Variants in TAFA1 observed in about 807,000 individuals in gnomAD.
TAFA1 encodes the protein TAFA chemokine like family member 1, also known as chemokine-like protein TAFA-1.
In TAFA1, 4 loss-of-function variants were observed where a neutral mutation model predicts 18.5. The ratio of observed to expected loss-of-function variants is 0.22; its 90% CI spans 0.11 to 0.49. The LOEUF is 0.49. Ranked by LOEUF, TAFA1 falls within the 20% of genes least tolerant of loss-of-function variation. TAFA1 has a pLI of 0.98. For missense variants in TAFA1, 147 were observed against 169.0 expected (o/e 0.87, Z 0.72); for synonymous variants, 56 against 55.2 (o/e 1.01, Z -0.06).
At chr3:68,088,817 TG>T (rs962882015) in intron 2 of TAFA1, among the ~76,000 whole-genome samples, 1 of 152,162 alleles carries the variant, frequency 6.6e-6, no homozygotes. Flanking sequence ...AAAGACCAGC[TG>T]GAAGGCTATT....
intron 2 of TAFA1, among the ~76,000 whole-genome samples, chr3:68,413,747 G>A (rs1449211747): frequency 6.6e-6 from 1 of 152,074 alleles, no homozygotes; most frequent in African/African-American, 2.4e-5. Context: ...GGTGTTGGGG[G>A]CAGGGGGGTG....
chr3:68,095,346 T>C (rs1391349788), intron 2 of TAFA1, among the ~76,000 whole-genome samples: 1 of 152,188 alleles, frequency 6.6e-6, no homozygotes, highest in Non-Finnish European at 1.5e-5. Context: ...AAGAATGCTA[T>C]TTGGAAATAT....
chr3:68,002,632 A>G (rs1704296072), upstream of TAFA1, among the ~76,000 whole-genome samples: 1 of 152,224 alleles, frequency 6.6e-6, no homozygotes, highest in East Asian at 1.9e-4. Context: ...TTTTGAGACT[A>G]TCTTAATGTT....
intron 2 of TAFA1, among the ~76,000 whole-genome samples, chr3:68,183,684 A>G (rs955175577): frequency 6.6e-6 from 1 of 152,276 alleles, no homozygotes; most frequent in African/African-American, 2.4e-5. Context: ...GGGACTGTTC[A>G]TTCTTTCATT....
At chr3:68,372,710 A>G (rs1326614124) in intron 2 of TAFA1, among the ~76,000 whole-genome samples, 4 of 152,162 alleles carry the variant, frequency 2.6e-5, no homozygotes, top group Admixed American at 2.0e-4. Context: ...AACTGCAAAA[A>G]CCCACATGCA....
At chr3:68,228,452 A>T (rs899262172) in intron 2 of TAFA1, among the ~76,000 whole-genome samples, 31 of 152,158 alleles carry the variant, frequency 2.0e-4, no homozygotes, top group African/African-American at 7.2e-4. Context: ...GTCAGGCATG[A>T]TAATCAGGCT....
chr3:68,145,607 G>T, intron 2 of TAFA1: 1 of 1,480,816 alleles, frequency 6.8e-7, no homozygotes, highest in African/African-American at 1.4e-5. Flanking sequence ...CAGACTGACG[G>T]ATTATGTGGC....
intron 2 of TAFA1, among the ~76,000 whole-genome samples, chr3:68,312,995 A>G (rs72626959): frequency 0.026 from 3,933 of 152,246 alleles, 90 homozygotes; most frequent in East Asian, 0.098. Context: ...GCAGGCAAAA[A>G]AGAGAGCTTG....
intron 3 of TAFA1, among the ~76,000 whole-genome samples, chr3:68,460,340 G>C (rs1029365439): frequency 2.0e-5 from 3 of 152,060 alleles, no homozygotes; most frequent in African/African-American, 7.2e-5. Context: ...TCAATACAAG[G>C]ATGGCAGGAG....
chr3:68,002,755 CTCTG>C (rs753008176), upstream of TAFA1, among the ~76,000 whole-genome samples: 3 of 152,110 alleles, frequency 2.0e-5, no homozygotes, highest in Non-Finnish European at 4.4e-5. Flanking sequence ...TTGAAATCTG[CTCTG>C]TCTTTTACTA....
At chr3:68,375,401 C>T (rs893756263) in intron 2 of TAFA1, among the ~76,000 whole-genome samples, 4 of 152,118 alleles carry the variant, frequency 2.6e-5, no homozygotes, top group Non-Finnish European at 5.9e-5. Flanking sequence ...AAAGCATATT[C>T]GGAGTCATTC....
chr3:68,384,068 C>G (rs11927978), intron 2 of TAFA1, among the ~76,000 whole-genome samples: 5,954 of 151,848 alleles, frequency 0.039, 382 homozygotes, highest in African/African-American at 0.13. Context: ...GATCCTCTCT[C>G]TTTTCTTCTT....
Position 68,402,340 on chromosome 3 carries a change from G to A in TAFA1, c.119-14940G>A, listed in dbSNP as rs556288625. Reference sequence around the variant, plus strand: ...CAGGTAGCTTAGCCTCTGCCTGGTGGCCAGACTAAGTTAATTCGGACGGCC... The same window carrying A: ...CAGGTAGCTTAGCCTCTGCCTGGTGACCAGACTAAGTTAATTCGGACGGCC... On this transcript the variant is annotated intron_variant, in intron 2 of 4. Transcript: ENST00000478136. Among the ~76,000 whole-genome samples, 4 of 152,300 alleles carry A rather than the reference G, an allele frequency of 2.6e-5. No individual in the cohort carries two copies. The East Asian group carries it at 7.7e-4, about 29-fold the overall frequency.
intron 2 of TAFA1, among the ~76,000 whole-genome samples, chr3:68,220,758 A>G (rs956746996): frequency 3.9e-5 from 6 of 152,088 alleles, no homozygotes; most frequent in African/African-American, 1.4e-4. Context: ...TCTTTGGCTC[A>G]TGTTCACTGA....
At chr3:68,489,724 A>T (rs2072415526) in intron 3 of TAFA1, among the ~76,000 whole-genome samples, 1 of 152,238 alleles carries the variant, frequency 6.6e-6, no homozygotes, top group Non-Finnish European at 1.5e-5. Flanking sequence ...ATATACTAGT[A>T]GCCATTGTTT....
chr3:68,509,733 T>C (rs75540473), intron 3 of TAFA1, among the ~76,000 whole-genome samples: 32 of 152,210 alleles, frequency 2.1e-4, no homozygotes, highest in African/African-American at 7.5e-4. Flanking sequence ...CCTTTTCAGA[T>C]ACCAGAACTC....
At chr3:68,415,068 C>G (rs2070783557) in intron 2 of TAFA1, among the ~76,000 whole-genome samples, 1 of 152,192 alleles carries the variant, frequency 6.6e-6, no homozygotes, top group Non-Finnish European at 1.5e-5. Flanking sequence ...ATTCCATTAA[C>G]TTGAATCCCA....
At chr3:68,449,936 A>G (rs1396534614) in intron 3 of TAFA1, among the ~76,000 whole-genome samples, 1 of 152,222 alleles carries the variant, frequency 6.6e-6, no homozygotes, top group Non-Finnish European at 1.5e-5. Context: ...TCTCACTCAC[A>G]GGACCTGCCT....
At chr3:68,149,995 A>T (rs2065786280) in intron 2 of TAFA1, among the ~76,000 whole-genome samples, 1 of 152,218 alleles carries the variant, frequency 6.6e-6, no homozygotes, top group Admixed American at 6.5e-5. Flanking sequence ...CATTTGAGAT[A>T]CTGCATAGGT....
Sources: allele counts gnomAD v4.1 joint callset (sites outside exome capture counted in the v4.1 genomes callset), GRCh38; gene constraint gnomAD v4.1.1; transcripts MANE v1.5; gene names NCBI Gene and HGNC (gene_info 2026-07-23, HGNC 2026-07-21).